Variants in PECR observed in about 807,000 individuals in gnomAD.
The protein encoded by PECR is 2,4-dienoyl-CoA reductase-related protein.
In PECR, 30 loss-of-function variants were observed where a neutral mutation model predicts 35.3. That is an observed-to-expected ratio of 0.85 (90% CI 0.64 to 1.15). PECR has a LOEUF of 1.15. Ranked by LOEUF, PECR falls within the 50% of genes most tolerant of loss-of-function variation. PECR has a pLI of 0.00. For missense variants in PECR, 392 were observed against 370.8 expected, an observed-to-expected ratio of 1.06 and a Z score of -0.47; for synonymous variants, 148 against 138.9, an observed-to-expected ratio of 1.07 and a Z score of -0.46.
chr2:216,081,187 A>C (rs760442615), intron 1 of PECR, among the ~76,000 whole-genome samples: 1 of 152,134 alleles, frequency 6.6e-6, no homozygotes, highest in Non-Finnish European at 1.5e-5. Context: ...TATTCAGCAT[A>C]TTTCCTTGCT....
In PECR at chr2:216,043,962, TC is replaced by T; in HGVS notation, c.767del (p.Gly256AspfsTer38). Reference protein sequence around the residue: ...LLSPAASFITGQSVDVDGGRS... With the variant: ...LLSPAASFITXQSVDVDGGRS... ...GGCCCCCATCCACATCCACCGACTG[TC>T]CAGTGATGAAGGAAGCTGCAGGAGA... On this transcript the variant is annotated frameshift_variant, in exon 7 of 8. Transcript: ENST00000265322. LOFTEE classifies it high-confidence loss of function. 1 of 1,612,924 alleles carries T rather than the reference TC, an allele frequency of 6.2e-7. No individual in the cohort carries two copies. Among genetic ancestry groups the T allele is most frequent in the Non-Finnish European group, 8.5e-7 (1 of 1,179,032 alleles).
intron 6 of PECR, among the ~76,000 whole-genome samples, chr2:216,047,920 T>C (rs1695026522): frequency 6.6e-6 from 1 of 151,906 alleles, no homozygotes; most frequent in South Asian, 2.1e-4. Flanking sequence ...GGTTTTTTTG[T>C]TTTGTTTTGT....
At position 216,051,624 on chromosome 2, in the gene PECR, A is replaced by G. The variant is rs1695117014; in HGVS notation, c.507-79T>C. 1.9e-5 allele frequency: 17 copies of G among 894,848 alleles called. 1 individual carries two copies. In the South Asian group the frequency reaches 2.3e-4, roughly 12 times the overall value. 55.4% of individuals were successfully genotyped at this position (894,848 alleles called of 1,614,324 possible). ...TGTTCATCAAGCTCACAAGTGTGCC[A>G]ACTACCTGACAGAATTCCACAAGAG... On this transcript the variant is annotated intron_variant, in intron 4 of 7. Coordinates refer to ENST00000265322, the MANE Select transcript of PECR (RefSeq NM_018441.6).
downstream of PECR, among the ~76,000 whole-genome samples, chr2:216,037,945 C>T (rs1419866913): frequency 2.0e-5 from 3 of 151,992 alleles, no homozygotes; most frequent in Admixed American, 6.6e-5. Context: ...ATTGGCCGGG[C>T]GTGGTGGTGC....
At chr2:216,050,009 G>T (rs1353379984) in intron 5 of PECR, among the ~76,000 whole-genome samples, 4 of 152,192 alleles carry the variant, frequency 2.6e-5, no homozygotes, top group East Asian at 3.9e-4. Flanking sequence ...TGTGAGCCTA[G>T]GAGTTTGAGA....
intron 3 of PECR, among the ~76,000 whole-genome samples, chr2:216,062,141 G>A (rs1420706465): frequency 6.6e-6 from 1 of 151,632 alleles, no homozygotes; most frequent in Non-Finnish European, 1.5e-5. Flanking sequence ...CATCTCCCAG[G>A]TTCAAGCAAT....
intron 7 of PECR, among the ~76,000 whole-genome samples, chr2:216,033,340 T>TA (rs1694739653): frequency 6.6e-6 from 1 of 152,130 alleles, no homozygotes; most frequent in South Asian, 2.1e-4. Flanking sequence ...AAATGACCAG[T>TA]AATTTTGCAT....
At chr2:216,038,299 A>T (rs1285520331), downstream of PECR, 2 of 152,192 alleles carry the variant, frequency 1.3e-5, no homozygotes, top group African/African-American at 2.4e-5. Context: ...TGCAACTGAA[A>T]TTTTGTTTTT....
chr2:216,035,236 G>A (rs1180232352), downstream of PECR, among the ~76,000 whole-genome samples: 1 of 152,188 alleles, frequency 6.6e-6, no homozygotes, highest in African/African-American at 2.4e-5. Flanking sequence ...TTCCTGACCC[G>A]TGCAGTGCAG....
In PECR at chr2:216,078,587, C is replaced by CAA. The variant is rs35963126; in HGVS notation, c.124+3029_124+3030dup. 6.6e-3 allele frequency among the ~76,000 whole-genome samples: 566 copies of CAA among 85,496 alleles called. 4 individuals carry two copies. The highest frequency in any genetic ancestry group is 0.024 in the African/African-American group (530 of 21,992). 56.1% of individuals were successfully genotyped at this position (85,496 alleles called of 152,430 possible). A position where few individuals can be genotyped will look rare whatever the true frequency, so the allele number is the denominator to read the frequency against. On this transcript the variant is annotated intron_variant, in intron 1 of 7. Coordinates refer to ENST00000265322, the MANE Select transcript of PECR (RefSeq NM_018441.6). ...TGGGCGACAGAGCGAAACTCCATCT[C>CAA]AAAAAAAAAAAAAAAGAAAAAGATT...
At chr2:216,079,116 A>C in intron 1 of PECR, among the ~76,000 whole-genome samples, 1 of 149,214 alleles carries the variant, frequency 6.7e-6, no homozygotes, top group African/African-American at 2.5e-5. Flanking sequence ...AATGGTGATG[A>C]GGTTACATCA....
At chr2:216,078,405 G>GA (rs906801274) in intron 1 of PECR, among the ~76,000 whole-genome samples, 13 of 152,080 alleles carry the variant, frequency 8.5e-5, no homozygotes, top group Non-Finnish European at 1.9e-4. Context: ...GGTCAAGGGG[G>GA]ATGGATCATA....
intron 1 of PECR, among the ~76,000 whole-genome samples, chr2:216,075,650 T>C (rs1480981037): frequency 6.6e-6 from 1 of 152,232 alleles, no homozygotes; most frequent in Non-Finnish European, 1.5e-5. Flanking sequence ...AGAATAGGTA[T>C]AGAAGTAGCT....
At chr2:216,033,298 T>C (rs200682020) in intron 7 of PECR, among the ~76,000 whole-genome samples, 1 of 152,114 alleles carries the variant, frequency 6.6e-6, no homozygotes, top group Non-Finnish European at 1.5e-5. Context: ...TAAAAAATAA[T>C]AACAACTGCC....
intron 1 of PECR, among the ~76,000 whole-genome samples, chr2:216,072,000 C>G (rs1032511870): frequency 6.6e-6 from 1 of 152,188 alleles, no homozygotes; most frequent in Admixed American, 6.5e-5. Context: ...CATGCAAAAG[C>G]AAAGACTACC....
intron 1 of PECR, among the ~76,000 whole-genome samples, chr2:216,069,829 C>T (rs1016939810): frequency 4.0e-5 from 6 of 151,056 alleles, no homozygotes; most frequent in South Asian, 2.1e-4. Context: ...CCAGCTACTC[C>T]GGAGGCTGAG....
In PECR at chr2:216,039,254, A is replaced by T; in HGVS notation, c.*21T>A. On this transcript the variant is annotated 3_prime_UTR_variant, in exon 8 of 8. Coordinates refer to ENST00000265322, the MANE Select transcript of PECR (RefSeq NM_018441.6). ...AAGATGTGAAGGCACTGGGGGATGG[A>T]GGACACCTTGTTTCCTCAGCTCAGA... is the stretch of plus-strand genomic sequence containing the variant. 1 of 1,359,164 alleles carries T rather than the reference A, an allele frequency of 7.4e-7. No homozygotes were observed. Among genetic ancestry groups the T allele is most frequent in the Non-Finnish European group, 1.1e-6 (1 of 947,714 alleles). 84.2% of individuals were successfully genotyped at this position (1,359,164 alleles called of 1,614,324 possible).
Position 216,049,282 on chromosome 2 carries a change from C to T in PECR, c.695G>A (p.Arg232Gln), listed in dbSNP as rs747109771. Reference protein sequence around the residue: ...EGSFQKIPAKRIGVPEEVSSV... With the variant: ...EGSFQKIPAKQIGVPEEVSSV... ...CCTTACCTCCTCAGGAACACCAATT[C>T]GTTTAGCGGGGATTTTCTGAAAAGA... Residue 232 changes from arginine (R) to glutamine (Q), a missense_variant, in exon 6 of 8, where the codon CGA (arginine) becomes CAA (glutamine). Physicochemically the swap from Arg to Gln is conservative, Grantham distance 43. Transcript: ENST00000265322. 16 of 1,560,120 alleles carry T rather than the reference C, an allele frequency of 1.0e-5. No homozygotes were observed. In the East Asian group the frequency reaches 1.1e-4, roughly 11 times the overall value.
At chr2:216,030,952 T>TCACA (rs1219324655) in intron 7 of PECR, among the ~76,000 whole-genome samples, 177 of 106,980 alleles carry the variant, frequency 1.7e-3, no homozygotes, top group Non-Finnish European at 2.7e-3. Context: ...TCTCTCTCTC[T>TCACA]CTCTCACACA....
Sources: allele counts gnomAD v4.1 joint callset (sites outside exome capture counted in the v4.1 genomes callset), GRCh38; gene constraint gnomAD v4.1.1; transcripts MANE v1.5; gene names NCBI Gene and HGNC (gene_info 2026-07-23, HGNC 2026-07-21).